MBD6: variants seen among roughly 807,000 people sequenced by gnomAD.
The protein encoded by MBD6 is methyl-CpG-binding domain protein 6.
MBD6 carries 22 observed loss-of-function variants against 66.8 expected under a neutral mutation model. The observed-to-expected ratio is 0.33, with a 90% CI of 0.24 to 0.47. The LOEUF is 0.47. MBD6 is among the 20% of genes least tolerant of loss of function. The probability of loss-of-function intolerance (pLI) is 1.00; values close to 1 mark genes in which losing one functional copy is unlikely to be tolerated. For missense variants in MBD6, 1,322 were observed against 1,286.9 expected, an observed-to-expected ratio of 1.03 and a Z score of -0.42; for synonymous variants, 540 against 534.6, an observed-to-expected ratio of 1.01 and a Z score of -0.14.
At position 57,525,966 on chromosome 12, in the gene MBD6, C is replaced by T; in HGVS notation, c.998C>T (p.Pro333Leu). 6.2e-7 allele frequency: 1 copy of T among 1,613,576 alleles called. No homozygotes were observed. The highest frequency in any genetic ancestry group is 8.5e-7 in the Non-Finnish European group (1 of 1,179,866). Residue 333 changes from proline (P) to leucine (L), a missense_variant, in exon 6 of 13, where the codon CCC becomes CTC. Physicochemically the swap from Pro to Leu is moderately conservative, Grantham distance 98. Transcript: ENST00000355673. ...TCTGCAGCGGCCAAGGCACAGCATC[C>T]CCCACTACCCCCTCCCAGCACTTTA... ...LLSAAAKAQHPPLPPPSTLQG... is the reference protein window; with the variant it reads ...LLSAAAKAQHLPLPPPSTLQG...
At chr12:57,522,575 G>C (rs1474458820), upstream of MBD6, among the ~76,000 whole-genome samples, 2 of 151,312 alleles carry the variant, frequency 1.3e-5, no homozygotes, top group East Asian at 1.9e-4. Flanking sequence ...GGGGCCGCGT[G>C]GGGTGTTTGT....
In MBD6 at chr12:57,528,735, C is replaced by T. The variant is rs747658330; in HGVS notation, c.2873+17C>T. ...AAAATACAAGTGAGTGTTGGGCCTA[C>T]TATAGTGCTGGCCTTTGCCTACTTC... On this transcript the variant is annotated intron_variant, in intron 11 of 12. Coordinates refer to ENST00000355673, the MANE Select transcript of MBD6 (RefSeq NM_052897.4). 5 of 1,614,136 alleles carry T rather than the reference C, an allele frequency of 3.1e-6. No homozygotes were observed. Among genetic ancestry groups the T allele is most frequent in the African/African-American group, 1.3e-5 (1 of 75,058 alleles).
At chr12:57,524,450 C>G (rs1285688204) in intron 3 of MBD6, 34 bp downstream of exon 3, 1 of 1,519,922 alleles carries the variant, frequency 6.6e-7, no homozygotes, top group Non-Finnish European at 8.9e-7. Context: ...AGCTCTGCCA[C>G]TCCAGTTGCC....
chr12:57,525,823 C>T lies in MBD6; in HGVS notation c.855C>T (p.Ala285=). Residue 285 remains alanine (A), a synonymous_variant, in exon 6 of 13, where the codon GCC becomes GCT. Coordinates refer to ENST00000355673, the MANE Select transcript of MBD6 (RefSeq NM_052897.4). Reference sequence around the variant, plus strand: ...ATCTCCCCGCCCACCCTGGTCCTGCCTCTCAGCCACCAGTGTCTTCAGCCA... The same window carrying T: ...ATCTCCCCGCCCACCCTGGTCCTGCTTCTCAGCCACCAGTGTCTTCAGCCA... ...SNNLPAHPGP[A]SQPPVSSATM... is the part of the protein sequence containing the mutation. 6.2e-7 allele frequency: 1 copy of T among 1,613,408 alleles called. No homozygotes were observed. The highest frequency in any genetic ancestry group is 8.5e-7 in the Non-Finnish European group (1 of 1,179,698).
At chr12:57,525,211 G>T in intron 5 of MBD6, 96 bp downstream of exon 5, 1 of 1,520,116 alleles carries the variant, frequency 6.6e-7, no homozygotes, top group East Asian at 2.3e-5. Flanking sequence ...CAAAGAGAAA[G>T]GGGAGTGGGT....
At position 57,527,928 on chromosome 12, in the gene MBD6, T is replaced by C. The variant is rs777989670; in HGVS notation, c.2317T>C (p.Leu773=). The change falls in exon 9 of 13, where the codon TTG becomes CTG. Residue 773 remains leucine (L), a synonymous_variant. Coordinates refer to ENST00000355673, the MANE Select transcript of MBD6 (RefSeq NM_052897.4). ...QPPGPLLSGQ[L]GLQLLPGGGA... Reference sequence around the variant, plus strand: ...TCCTGGCCCTCTTCTCTCTGGCCAGTTGGGGCTGCAGCTCCTCCCTGGGGG... The same window carrying C: ...TCCTGGCCCTCTTCTCTCTGGCCAGCTGGGGCTGCAGCTCCTCCCTGGGGG... 9 of 1,610,658 alleles carry C rather than the reference T, an allele frequency of 5.6e-6. No homozygotes were observed. Among genetic ancestry groups the C allele is most frequent in the Middle Eastern group, 1.6e-4 (1 of 6,064 alleles).
chr12:57,524,916 C>A, intron 4 of MBD6, 37 bp from the exon 5 acceptor site: 2 of 1,603,920 alleles, frequency 1.2e-6, no homozygotes, highest in Non-Finnish European at 8.5e-7. Flanking sequence ...CAGGTTCCAG[C>A]CCCTCAGGGT....
Position 57,529,433 on chromosome 12 carries a change from C to CCCT in MBD6, c.*201_*202insTCC. 2 of 542,708 alleles carry CCCT rather than the reference C, an allele frequency of 3.7e-6. No individual in the cohort carries two copies. 33.6% of individuals were successfully genotyped at this position (542,708 alleles called of 1,614,324 possible). A position where few individuals can be genotyped will look rare whatever the true frequency, so the allele number is the denominator to read the frequency against. The stretch of plus-strand genomic sequence containing the variant: ...AGGGAAGTTCACCCCCCCCCACCAC[C>CCCT]CCCCCGCCCCCCCGAAGCCATGTCA... On this transcript the variant is annotated 3_prime_UTR_variant, in exon 13 of 13. Transcript: ENST00000355673.
rs373663132 is a variant in MBD6 at position 57,525,748 on chromosome 12, C to T, written c.780C>T (p.Leu260=). 2.2e-5 allele frequency: 35 copies of T among 1,613,866 alleles called. No individual in the cohort carries two copies. In the Middle Eastern group the frequency reaches 6.6e-4, roughly 30 times the overall value. Residue 260 remains leucine (L), a synonymous_variant, in exon 6 of 13, where the codon CTC becomes CTT. Coordinates refer to ENST00000355673, the MANE Select transcript of MBD6 (RefSeq NM_052897.4). ...CCTCACCACCTTCAGACCCTCCTCT[C>T]TTCCACTGTAGTGATGCCTTAACAC... The part of the protein sequence containing the change: ...ASSSPPSDPP[L]FHCSDALTPP...
chr12:57,525,137 A>C (rs1188381751), intron 5 of MBD6, 22 bp downstream of exon 5: 1 of 1,596,740 alleles, frequency 6.3e-7, no homozygotes, highest in Non-Finnish European at 8.5e-7. Context: ...GCCACTTTAC[A>C]GAAGACCGAG....
Position 57,525,050 on chromosome 12 carries a change from G to A in MBD6, c.314G>A (p.Arg105Gln). Residue 105 changes from arginine to glutamine, a missense_variant, in exon 5 of 13, where the codon CGG becomes CAG. By Grantham distance (43) the Arg-to-Gln change is conservative. Transcript: ENST00000355673. ...ATGACCAAGCTGTGCAACCACCGGC[G>A]GAAAGCTGTTGCTATGGCAACTCTG... The part of the protein sequence containing the change: ...EDMTKLCNHR[R>Q]KAVAMATLYR... The A allele has an allele frequency of 1.9e-6, 3 of 1,613,356 alleles. No individual in the cohort carries two copies. The highest frequency in any genetic ancestry group is 2.2e-5 in the East Asian group (1 of 44,876).
At chr12:57,524,120 C>G in intron 2 of MBD6, 28 bp downstream of exon 2, 1 of 451,634 alleles carries the variant, frequency 2.2e-6, no homozygotes, top group East Asian at 3.3e-5. Flanking sequence ...GCAGAGGACT[C>G]CTCAGTCTCC....
downstream of MBD6, chr12:57,530,786 G>GT (rs774477318): frequency 1.1e-5 from 18 of 1,610,302 alleles, no homozygotes; most frequent in Non-Finnish European, 1.4e-5. Context: ...CTACAAAGTG[G>GT]TAGAGAGGTT....
In MBD6 at chr12:57,526,596, C is replaced by T; in HGVS notation, c.1451C>T (p.Ala484Val). The part of the protein sequence containing the change: ...GAPAPPAASK[A>V]PVVPSPVLQS... ...CCTGCCCCACCAGCTGCCTCCAAAG[C>T]CCCAGTAGTCCCCAGCCCTGTGCTT... The change falls in exon 7 of 13, where the codon GCC becomes GTC. Residue 484 changes from alanine (A) to valine (V), a missense_variant. Transcript: ENST00000355673. The T allele has an allele frequency of 6.6e-7, 1 of 1,512,638 alleles. No individual in the cohort carries two copies. The highest frequency in any genetic ancestry group is 8.8e-7 in the Non-Finnish European group (1 of 1,131,814). The allele number at this position is 1,512,638 out of a possible 1,614,324, so 93.7% of individuals were successfully genotyped here.
intron 1 of MBD6, among the ~76,000 whole-genome samples, chr12:57,523,682 CAGG>C (rs1439314688): frequency 6.6e-6 from 1 of 152,160 alleles, no homozygotes; most frequent in Non-Finnish European, 1.5e-5. Context: ...TAGAGAACAA[CAGG>C]AGCCAGACAC....
rs1879359315 is a variant in MBD6 at position 57,529,284 on chromosome 12, T to G, written c.*50T>G. 6.2e-7 allele frequency: 1 copy of G among 1,604,982 alleles called. No individual in the cohort carries two copies. The highest frequency in any genetic ancestry group is 1.3e-5 in the African/African-American group (1 of 74,848). ...ACCCTGATTGGGGAGAGCTGAGTGC[T>G]GAGCCTTGGGAGCCCCTGCCAGCCA... is the stretch of plus-strand genomic sequence containing the variant. On this transcript the variant is annotated 3_prime_UTR_variant, in exon 13 of 13. Transcript: ENST00000355673.
rs1879370014 is a variant in MBD6, at chr12:57,529,384, C to T, written c.*150C>T. The T allele has an allele frequency of 9.0e-6, 6 of 663,118 alleles. No individual in the cohort carries two copies. Among genetic ancestry groups the T allele is most frequent in the Non-Finnish European group, 1.3e-5 (5 of 390,942 alleles). 41.1% of individuals were successfully genotyped at this position (663,118 alleles called of 1,614,324 possible). A position where few individuals can be genotyped will look rare whatever the true frequency, so the allele number is the denominator to read the frequency against. On this transcript the variant is annotated 3_prime_UTR_variant, in exon 13 of 13. Coordinates refer to ENST00000355673, the MANE Select transcript of MBD6 (RefSeq NM_052897.4). ...AAATGCAACTCCTTCCCCTACAATC[C>T]CATCCTGAGCCATTGCAGGGGGCAG...
At position 57,526,353 on chromosome 12, in the gene MBD6, C is replaced by T. The variant is rs774924591; in HGVS notation, c.1385C>T (p.Pro462Leu). 5.0e-6 allele frequency: 8 copies of T among 1,605,886 alleles called. No individual in the cohort carries two copies. The highest frequency in any genetic ancestry group is 1.7e-4 in the Middle Eastern group (1 of 6,026). ...AGGCACCCCATCCAGCCCTCCCTGC[C>T]TGGGACCACCAGTGGCAGCCTCAGC... Reference protein sequence around the residue: ...QPRHPIQPSLPGTTSGSLSSV... With the variant: ...QPRHPIQPSLLGTTSGSLSSV... Residue 462 changes from proline to leucine, a missense_variant, in exon 6 of 13, where the codon CCT becomes CTT. Pro to Leu is a moderately conservative substitution (Grantham distance 98, BLOSUM62 -3). Coordinates refer to ENST00000355673, the MANE Select transcript of MBD6 (RefSeq NM_052897.4).
chr12:57,526,627 C>G lies in MBD6; in HGVS notation c.1482C>G (p.Ser494Arg), dbSNP rs750020787. 1 of 1,513,402 alleles carries G rather than the reference C, an allele frequency of 6.6e-7. No homozygotes were observed. Among genetic ancestry groups the G allele is most frequent in the Admixed American group, 2.3e-5 (1 of 43,862 alleles). 93.7% of individuals were successfully genotyped at this position (1,513,402 alleles called of 1,614,324 possible). Residue 494 changes from serine to arginine, a missense_variant, in exon 7 of 13, where the codon AGC becomes AGG. Physicochemically the swap from Ser to Arg is moderately radical, Grantham distance 110 (BLOSUM62 -1). Coordinates refer to ENST00000355673, the MANE Select transcript of MBD6 (RefSeq NM_052897.4). ...TAGTCCCCAGCCCTGTGCTTCAAAGCCCATCCGAAGGACTGGGGATGGGGG... is the reference window on the plus strand; with the variant it reads ...TAGTCCCCAGCCCTGTGCTTCAAAGGCCATCCGAAGGACTGGGGATGGGGG... Reference protein sequence around the residue: ...APVVPSPVLQSPSEGLGMGAG... With the variant: ...APVVPSPVLQRPSEGLGMGAG...
Sources: gnomAD v4.1 joint callset for allele counts (sites outside exome capture counted in the v4.1 genomes callset) on GRCh38, gnomAD v4.1.1 for gene constraint, MANE v1.5 for transcripts, NCBI Gene and HGNC (gene_info 2026-07-23, HGNC 2026-07-21) for gene names.